SLC39A11: variants seen among roughly 807,000 people sequenced by gnomAD.
The protein encoded by SLC39A11 is solute carrier family 39 member 11.
SLC39A11 carries 33 observed loss-of-function variants against 36.1 expected under a neutral mutation model. The observed-to-expected ratio is 0.91, with a 90% CI of 0.69 to 1.22. The LOEUF is 1.22. Ranked by LOEUF, SLC39A11 falls within the 50% of genes most tolerant of loss-of-function variation. The pLI, the probability that SLC39A11 is intolerant of heterozygous loss-of-function variation, is 0.00. For synonymous variants in SLC39A11, 166 were observed against 170.3 expected, an observed-to-expected ratio of 0.97 and a Z score of 0.20; for missense variants, 432 against 430.3, an observed-to-expected ratio of 1.00 and a Z score of -0.03.
At chr17:72,882,734 T>C (rs2081256206) in intron 5 of SLC39A11, among the ~76,000 whole-genome samples, 1 of 152,122 alleles carries the variant, frequency 6.6e-6, no homozygotes, top group Non-Finnish European at 1.5e-5. Flanking sequence ...ACTTCAGCAG[T>C]ATTGGGTCAA....
intron 4 of SLC39A11, among the ~76,000 whole-genome samples, chr17:72,951,617 G>A (rs910881942): frequency 1.3e-5 from 2 of 152,134 alleles, no homozygotes; most frequent in African/African-American, 4.8e-5. Flanking sequence ...GTGTCAGGTA[G>A]TGATAATGCC....
chr17:72,960,354 G>T (rs1215352960), intron 4 of SLC39A11, among the ~76,000 whole-genome samples: 1 of 152,218 alleles, frequency 6.6e-6, no homozygotes, highest in Non-Finnish European at 1.5e-5. Context: ...ATCATAGATA[G>T]ATGGATGGAT....
At chr17:73,044,130 A>G (rs1442664262) in intron 3 of SLC39A11, among the ~76,000 whole-genome samples, 1 of 152,060 alleles carries the variant, frequency 6.6e-6, no homozygotes, top group Non-Finnish European at 1.5e-5. Flanking sequence ...CAAACTAGGA[A>G]AAAGTACTTT....
At chr17:72,851,783 TC>T (rs2146036993) in intron 5 of SLC39A11, among the ~76,000 whole-genome samples, 1 of 152,346 alleles carries the variant, frequency 6.6e-6, no homozygotes, top group East Asian at 1.9e-4. Context: ...ATACTTTATT[TC>T]CTGCTTGAAT....
chr17:72,802,381 G>A (rs1490905359), intron 6 of SLC39A11, among the ~76,000 whole-genome samples: 2 of 152,098 alleles, frequency 1.3e-5, no homozygotes, highest in Non-Finnish European at 2.9e-5. Context: ...CCTGAGGTCA[G>A]GAGTTTGAGA....
At chr17:72,706,049 G>A (rs571079899) in intron 7 of SLC39A11, among the ~76,000 whole-genome samples, 2 of 152,340 alleles carry the variant, frequency 1.3e-5, no homozygotes, top group East Asian at 3.9e-4. Context: ...GGAAGTTTAA[G>A]TGTGAGGGAC....
At position 72,895,169 on chromosome 17, in the gene SLC39A11, C is replaced by T. The variant is rs77751553; in HGVS notation, c.431-45365G>A. Among the ~76,000 whole-genome samples the T allele has an allele frequency of 7.1e-3, 1,081 of 152,152 alleles. 9 individuals are homozygous for T. Among genetic ancestry groups the T allele is most frequent in the African/African-American group, 0.024 (1,016 of 41,488 alleles). ...AGGTGGGATGTGACAGAACAGGCAG[C>T]GGGCAGGGAAGGCTGGGAGGCAGCA... On this transcript the variant is annotated intron_variant, in intron 5 of 9. Coordinates refer to ENST00000255559, the MANE Select transcript of SLC39A11 (RefSeq NM_139177.4).
At chr17:72,822,648 G>A (rs936027943) in intron 6 of SLC39A11, among the ~76,000 whole-genome samples, 1 of 151,218 alleles carries the variant, frequency 6.6e-6, no homozygotes, top group African/African-American at 2.4e-5. Flanking sequence ...GTGATTTGAG[G>A]TTGAAACAGG....
chr17:73,087,068 AC>A (rs200066915), intron 2 of SLC39A11, among the ~76,000 whole-genome samples: 10 of 151,934 alleles, frequency 6.6e-5, no homozygotes, highest in East Asian at 5.8e-4. Flanking sequence ...GAAAAAAAAA[AC>A]AAACAAAAAC....
At chr17:72,785,079 G>A (rs1219998594) in intron 6 of SLC39A11, among the ~76,000 whole-genome samples, 1 of 152,024 alleles carries the variant, frequency 6.6e-6, no homozygotes, top group Admixed American at 6.6e-5. Flanking sequence ...TATTGGTCAG[G>A]CTGGTCTTGA....
At chr17:72,708,564 C>T (rs1288103225) in intron 7 of SLC39A11, among the ~76,000 whole-genome samples, 1 of 152,196 alleles carries the variant, frequency 6.6e-6, no homozygotes, top group Non-Finnish European at 1.5e-5. Context: ...TTCTTGCCTA[C>T]AGCCTGTTAC....
intron 4 of SLC39A11, among the ~76,000 whole-genome samples, chr17:72,991,541 A>C (rs910281914): frequency 6.6e-6 from 1 of 152,032 alleles, no homozygotes; most frequent in Non-Finnish European, 1.5e-5. Flanking sequence ...TATTTTTATT[A>C]GAGATGGGGG....
intron 6 of SLC39A11, among the ~76,000 whole-genome samples, chr17:72,768,958 C>T (rs2075841249): frequency 6.6e-6 from 1 of 152,118 alleles, no homozygotes; most frequent in South Asian, 2.1e-4. Context: ...GATGGGGTTT[C>T]ACCGTGTTAG....
intron 6 of SLC39A11, among the ~76,000 whole-genome samples, chr17:72,799,524 C>T (rs1266181024): frequency 6.6e-6 from 1 of 152,036 alleles, no homozygotes; most frequent in East Asian, 1.9e-4. Context: ...AATTCTTTTC[C>T]TAGCAAGGAA....
chr17:72,827,207 A>G (rs1448653344), intron 6 of SLC39A11, among the ~76,000 whole-genome samples: 2 of 152,250 alleles, frequency 1.3e-5, no homozygotes, highest in Non-Finnish European at 2.9e-5. Flanking sequence ...GAATTTTAAA[A>G]ACACTGTGCT....
intron 3 of SLC39A11, among the ~76,000 whole-genome samples, chr17:73,045,100 G>A (rs992445973): frequency 2.3e-4 from 35 of 152,046 alleles, no homozygotes; most frequent in African/African-American, 7.7e-4. Context: ...AGGTTCTGGG[G>A]TCTATCCTAA....
At chr17:72,718,332 G>A (rs942339686) in intron 7 of SLC39A11, among the ~76,000 whole-genome samples, 19 of 152,092 alleles carry the variant, frequency 1.2e-4, no homozygotes, top group Non-Finnish European at 2.4e-4. Flanking sequence ...CCAGCTACTC[G>A]TGAGGCTGAG....
intron 5 of SLC39A11, among the ~76,000 whole-genome samples, chr17:72,918,312 G>A (rs1377525908): frequency 6.6e-6 from 1 of 152,212 alleles, no homozygotes; most frequent in East Asian, 1.9e-4. Context: ...AGGAGTCTGA[G>A]GCAGGAGAAT....
intron 6 of SLC39A11, among the ~76,000 whole-genome samples, chr17:72,830,802 C>T (rs2078253248): frequency 6.6e-6 from 1 of 152,062 alleles, no homozygotes; most frequent in African/African-American, 2.4e-5. Flanking sequence ...TTCCTTAGTG[C>T]CTGAAATTCC....
Sources: allele counts gnomAD v4.1 joint callset (sites outside exome capture counted in the v4.1 genomes callset), GRCh38; gene constraint gnomAD v4.1.1; transcripts MANE v1.5; gene names NCBI Gene and HGNC (gene_info 2026-07-23, HGNC 2026-07-21).